JPH3: variants seen among roughly 807,000 people sequenced by gnomAD.
JPH3 encodes the protein junctophilin 3.
Under a neutral mutation model 59.6 loss-of-function variants are expected in JPH3, and 11 were observed. The observed-to-expected ratio is 0.18, with a 90% confidence interval of 0.12 to 0.31. JPH3 has a LOEUF of 0.31. Ranked by LOEUF, JPH3 falls within the 10% of genes least tolerant of loss-of-function variation. JPH3 has a pLI of 1.00. For synonymous variants in JPH3, 673 were observed against 483.6 expected (o/e 1.39, Z -5.14); for missense variants, 1,202 against 1,105.7 (o/e 1.09, Z -1.24).
Position 87,697,121 on chromosome 16 carries a change from A to G in JPH3, c.*461A>G. The G allele has an allele frequency of 4.4e-6, 1 of 225,172 alleles. No homozygotes were observed. The highest frequency in any genetic ancestry group is 8.9e-6 in the Non-Finnish European group (1 of 112,028). The allele number at this position is 225,172 out of a possible 1,614,324, so 13.9% of individuals were successfully genotyped here. A position where few individuals can be genotyped will look rare whatever the true frequency, so the allele number is the denominator to read the frequency against. On this transcript the variant is annotated 3_prime_UTR_variant, in exon 5 of 5. Coordinates refer to ENST00000284262, the MANE Select transcript of JPH3 (RefSeq NM_020655.4). ...GGATTCACTGCTTTCTCTGTCTAGA[A>G]CAGACGGGTGACAAGTATGGGCAGG...
chr16:87,613,079 A>G (rs1046985638), intron 1 of JPH3, among the ~76,000 whole-genome samples: 4 of 146,136 alleles, frequency 2.7e-5, no homozygotes, highest in Admixed American at 6.9e-5. Context: ...CACAATACCT[A>G]CGTTTCTTTC....
intron 4 of JPH3, among the ~76,000 whole-genome samples, chr16:87,692,439 GCT>G (rs1239522590): frequency 1.3e-5 from 2 of 152,248 alleles, no homozygotes; most frequent in Non-Finnish European, 2.9e-5. Context: ...CAGGGGTACA[GCT>G]CTCTGCAGTG....
rs544060914 is a variant in JPH3 at position 87,613,242 on chromosome 16, A to G, written c.382+9714A>G. The stretch of plus-strand genomic sequence containing the variant: ...CTCCCGAGTAGCTGGGACTACAGGT[A>G]CCCACCACCACGTCCGGCTAATTTT... On this transcript the variant is annotated intron_variant, in intron 1 of 4. Transcript: ENST00000284262. Among the ~76,000 whole-genome samples, 420 of 145,180 alleles carry G rather than the reference A, an allele frequency of 2.9e-3. 3 individuals are homozygous for G. The highest frequency in any genetic ancestry group is 7.3e-3 in the African/African-American group (284 of 39,128).
At chr16:87,635,710 CTG>C (rs1269907794) in intron 1 of JPH3, among the ~76,000 whole-genome samples, 3 of 152,222 alleles carry the variant, frequency 2.0e-5, no homozygotes, top group Non-Finnish European at 4.4e-5. Context: ...CTCTGCGAGT[CTG>C]TGGTGGTTCT....
intron 1 of JPH3, among the ~76,000 whole-genome samples, chr16:87,626,363 C>T (rs2031375535): frequency 6.6e-6 from 1 of 152,204 alleles, no homozygotes; most frequent in Non-Finnish European, 1.5e-5. Context: ...ACAACTCCCA[C>T]CCGCCTGCCT....
At chr16:87,607,907 G>A (rs768973092) in intron 1 of JPH3, among the ~76,000 whole-genome samples, 1 of 152,230 alleles carries the variant, frequency 6.6e-6, no homozygotes, top group African/African-American at 2.4e-5. Context: ...TTCGGGGGGC[G>A]GGTGGTGAAA....
Position 87,611,783 on chromosome 16 carries a change from T to C in JPH3, c.382+8255T>C, listed in dbSNP as rs2030739914. Among the ~76,000 whole-genome samples the C allele has an allele frequency of 1.3e-5, 2 of 152,320 alleles. No individual in the cohort carries two copies. The highest frequency in any genetic ancestry group is 6.5e-5 in the Admixed American group (1 of 15,304). ...CAAGAATTTATATTTCTTACAAATT[T>C]CAGGCGATGCTGAGGCTGCTGATCT... On this transcript the variant is annotated intron_variant, in intron 1 of 4. Coordinates refer to ENST00000284262, the MANE Select transcript of JPH3 (RefSeq NM_020655.4). This position sits in a 1 kb window ranked among gnomAD's most constrained non-coding sequence, Gnocchi z 4.5.
chr16:87,604,041 G>T, intron 1 of JPH3: 1 of 969,056 alleles, frequency 1.0e-6, no homozygotes, highest in Non-Finnish European at 1.2e-6. Flanking sequence ...AGCGCTAGGG[G>T]CGGGGGATGC....
At chr16:87,608,433 C>G (rs1329841580) in intron 1 of JPH3, among the ~76,000 whole-genome samples, 4 of 152,296 alleles carry the variant, frequency 2.6e-5, no homozygotes, top group African/African-American at 9.6e-5. Context: ...GTCCGTGTCT[C>G]CGTGGACTGG....
intron 2 of JPH3, among the ~76,000 whole-genome samples, chr16:87,666,888 A>C (rs893129492): frequency 6.6e-6 from 1 of 152,244 alleles, no homozygotes; most frequent in African/African-American, 2.4e-5. Flanking sequence ...GGAGCTTGGC[A>C]GGGCTGGGAT....
chr16:87,662,660 C>T (rs569431091), intron 2 of JPH3, among the ~76,000 whole-genome samples: 18 of 152,320 alleles, frequency 1.2e-4, no homozygotes, highest in African/African-American at 2.6e-4. Context: ...CCCCGCTGAG[C>T]CATGCGGAGA....
intron 1 of JPH3, chr16:87,604,602 C>A (rs536328708): frequency 7.1e-5 from 86 of 1,213,930 alleles, no homozygotes; most frequent in Non-Finnish European, 9.0e-5. Context: ...ACTTGTGCTT[C>A]TGCCGAGAAT....
chr16:87,662,860 T>C (rs1241901523), intron 2 of JPH3, among the ~76,000 whole-genome samples: 1 of 152,228 alleles, frequency 6.6e-6, no homozygotes, highest in Non-Finnish European at 1.5e-5. Context: ...CCTCCCTACC[T>C]GAAACCTTTC....
chr16:87,678,857 G>A (rs1437298663), intron 2 of JPH3, among the ~76,000 whole-genome samples: 3 of 152,212 alleles, frequency 2.0e-5, no homozygotes, highest in South Asian at 2.1e-4. Flanking sequence ...TGGGAACGCC[G>A]AGGGCGCCAG....
rs755279903 is a variant in JPH3 at position 87,644,552 on chromosome 16, G to A, written c.677G>A (p.Arg226His). ...TCGCTGCTGAGTGGGCTGAAGCTGC[G>A]CAAGTCGGAGTCCAAGAGCAGCCTG... Reference protein sequence around the residue: ...RRSLLSGLKLRKSESKSSLAS... With the variant: ...RRSLLSGLKLHKSESKSSLAS... The change falls in exon 2 of 5, where the codon CGC becomes CAC. Residue 226 changes from arginine (R) to histidine (H), a missense_variant. By Grantham distance (29) the Arg-to-His change is conservative (BLOSUM62 0). Transcript: ENST00000284262. 7.4e-6 allele frequency: 12 copies of A among 1,612,620 alleles called. No homozygotes were observed. The highest frequency in any genetic ancestry group is 2.2e-5 in the East Asian group (1 of 44,792).
At chr16:87,643,735 C>G (rs772324980) in intron 1 of JPH3, among the ~76,000 whole-genome samples, 2 of 152,216 alleles carry the variant, frequency 1.3e-5, no homozygotes, top group Admixed American at 1.3e-4. Context: ...AGAACAAGAT[C>G]TAGCCATGAG....
chr16:87,618,752 A>G (rs2031065661), intron 1 of JPH3, among the ~76,000 whole-genome samples: 1 of 152,134 alleles, frequency 6.6e-6, no homozygotes, highest in Non-Finnish European at 1.5e-5. Flanking sequence ...CCATTGGTAC[A>G]TCTTTGGAGC....
rs1022671668 is a variant in JPH3 at position 87,602,940 on chromosome 16, C to G, written c.-207C>G. ...GCTGGTCAGGCTCCGCGGCGCAGCT[C>G]GAAAAGGAATAATCGCCCCCGATTG... On this transcript the variant is annotated 5_prime_UTR_variant, in exon 1 of 5. Transcript: ENST00000284262. The G allele has an allele frequency of 4.5e-5, 23 of 506,578 alleles. No individual in the cohort carries two copies. Among genetic ancestry groups the G allele is most frequent in the South Asian group, 2.5e-4 (11 of 44,262 alleles). The allele number at this position is 506,578 out of a possible 1,614,324, so 31.4% of individuals were successfully genotyped here.
chr16:87,640,106 A>G (rs2031894691), intron 1 of JPH3, among the ~76,000 whole-genome samples: 1 of 152,096 alleles, frequency 6.6e-6, no homozygotes, highest in South Asian at 2.1e-4. Flanking sequence ...AGGTGGGCGG[A>G]TCATGAGGTC....
Sources: allele counts gnomAD v4.1 joint callset (sites outside exome capture counted in the v4.1 genomes callset), GRCh38; gene constraint gnomAD v4.1.1; non-coding constraint Gnocchi (gnomAD v3.1); transcripts MANE v1.5; gene names NCBI Gene and HGNC (gene_info 2026-07-23, HGNC 2026-07-21).